MCTP1: variants seen among roughly 807,000 people sequenced by gnomAD.
MCTP1 encodes the protein multiple C2 and transmembrane domain containing 1.
In MCTP1, 69 loss-of-function variants were observed where a neutral mutation model predicts 120.6. The ratio of observed to expected loss-of-function variants is 0.57; its 90% CI spans 0.47 to 0.70. The LOEUF (loss-of-function observed/expected upper bound fraction) is 0.70. MCTP1 is among the 30% of genes least tolerant of loss of function. MCTP1 has a pLI of 0.00. For synonymous variants in MCTP1, 529 were observed against 493.1 expected (o/e 1.07, Z -0.96); for missense variants, 1,203 against 1,248.8 (o/e 0.96, Z 0.55).
At chr5:95,082,086 G>A (rs2152323233) in intron 1 of MCTP1, among the ~76,000 whole-genome samples, 1 of 152,224 alleles carries the variant, frequency 6.6e-6, no homozygotes, top group Non-Finnish European at 1.5e-5. Context: ...CATGCAAGAA[G>A]TGGCATGCTT....
intron 15 of MCTP1, 60 bp from the exon 16 acceptor site, chr5:94,870,551 T>C: frequency 8.2e-7 from 1 of 1,214,892 alleles, no homozygotes; most frequent in Non-Finnish European, 1.2e-6. Context: ...TACAAGTTTT[T>C]CACGCAGTTC....
At position 94,953,851 on chromosome 5, in the gene MCTP1, A is replaced by ATATATATGCATATATATACAAC. The variant is rs1323497729; in HGVS notation, c.839-491_839-490insGTTGTATATATATGCATATATA. On this transcript the variant is annotated intron_variant, in intron 2 of 22. Coordinates refer to ENST00000515393, the MANE Select transcript of MCTP1 (RefSeq NM_024717.7). ...TATACATATATATATATACACAACT[A>ATATATATGCATATATATACAAC]TATATATGCATATATATACAAATAT... Among the ~76,000 whole-genome samples, 18 of 41,842 alleles carry ATATATATGCATATATATACAAC rather than the reference A, an allele frequency of 4.3e-4. 3 individuals are homozygous for ATATATATGCATATATATACAAC. The highest frequency in any genetic ancestry group is 1.9e-3 in the African/African-American group (18 of 9,634). 27.4% of individuals were successfully genotyped at this position (41,842 alleles called of 152,430 possible).
intron 1 of MCTP1, among the ~76,000 whole-genome samples, chr5:95,097,788 T>A (rs781486041): frequency 3.9e-4 from 59 of 152,100 alleles, no homozygotes; most frequent in Non-Finnish European, 7.2e-4. Flanking sequence ...AATAGATAGA[T>A]CAAAGCACGA....
intron 1 of MCTP1, among the ~76,000 whole-genome samples, chr5:95,028,100 T>C (rs1303275481): frequency 6.6e-6 from 1 of 152,188 alleles, no homozygotes; most frequent in Admixed American, 6.5e-5. Context: ...TCATGTTTTT[T>C]AAAATGAATA....
intron 10 of MCTP1, among the ~76,000 whole-genome samples, chr5:94,904,351 T>C (rs1806260027): frequency 6.6e-6 from 1 of 152,170 alleles, no homozygotes; most frequent in African/African-American, 2.4e-5. Context: ...ATCTGCAAAA[T>C]TGGTATAATA....
intron 1 of MCTP1, among the ~76,000 whole-genome samples, chr5:95,072,740 ATT>A (rs11421165): frequency 4.2e-5 from 4 of 95,278 alleles, no homozygotes; most frequent in Admixed American, 1.5e-4. Context: ...CTTAGCAACT[ATT>A]TTTTTTTTTT....
At chr5:95,154,442 G>A (rs529778200) in intron 1 of MCTP1, among the ~76,000 whole-genome samples, 26 of 152,142 alleles carry the variant, frequency 1.7e-4, no homozygotes, top group African/African-American at 6.0e-4. Flanking sequence ...TGAAATAGAG[G>A]AATAGAATGA....
At position 95,045,956 on chromosome 5, in the gene MCTP1, A is replaced by C. The variant is rs567551751; in HGVS notation, c.721-28472T>G. On this transcript the variant is annotated intron_variant, in intron 1 of 22. Coordinates refer to ENST00000515393, the MANE Select transcript of MCTP1 (RefSeq NM_024717.7). ...CATACCTCAGCTTTCCCTTCTGTGA[A>C]ATGGAGATAATAATGGGTCATGCTT... 2.2e-4 allele frequency among the ~76,000 whole-genome samples: 33 copies of C among 152,248 alleles called. 1 individual carries two copies. In the East Asian group the frequency reaches 6.4e-3, roughly 29 times the overall value.
chr5:95,208,728 GA>G (rs35256756), intron 1 of MCTP1, among the ~76,000 whole-genome samples: 24,895 of 126,876 alleles, frequency 0.2, 2,309 homozygotes, highest in Non-Finnish European at 0.24. Flanking sequence ...AACCCTTTCA[GA>G]AAAAAAAAAA....
At chr5:94,957,240 C>A (rs923668434) in intron 2 of MCTP1, among the ~76,000 whole-genome samples, 7 of 152,132 alleles carry the variant, frequency 4.6e-5, no homozygotes, top group Non-Finnish European at 1.0e-4. Flanking sequence ...ACCACCAAGC[C>A]TGCCTTACAA....
chr5:94,710,591 T>C (rs1756554351), intron 21 of MCTP1: 1 of 426,972 alleles, frequency 2.3e-6, no homozygotes, highest in Non-Finnish European at 4.1e-6. Context: ...ACAACTAACA[T>C]GTTTATAGTA....
chr5:94,995,204 C>G (rs1398747239), intron 2 of MCTP1, among the ~76,000 whole-genome samples: 1 of 152,130 alleles, frequency 6.6e-6, no homozygotes, highest in African/African-American at 2.4e-5. Context: ...TCTTTTACAT[C>G]CGTGGTTCTC....
intron 20 of MCTP1, among the ~76,000 whole-genome samples, chr5:94,714,051 A>G (rs1280506964): frequency 6.6e-6 from 1 of 152,196 alleles, no homozygotes; most frequent in Non-Finnish European, 1.5e-5. Context: ...TGAGGGTCTT[A>G]TATCTTTTAA....
At chr5:95,094,013 TTTGAACAAATC>T (rs1464280361) in intron 1 of MCTP1, among the ~76,000 whole-genome samples, 2 of 152,168 alleles carry the variant, frequency 1.3e-5, no homozygotes, top group African/African-American at 4.8e-5. Flanking sequence ...TTTTCAGGTG[TTTGAACAAATC>T]TTGAGCATGG....
intron 1 of MCTP1, among the ~76,000 whole-genome samples, chr5:95,173,344 G>A (rs999223867): frequency 1.6e-4 from 25 of 151,904 alleles, no homozygotes; most frequent in Non-Finnish European, 3.5e-4. Context: ...CAAGTGGAAG[G>A]AATAAATAAT....
intron 11 of MCTP1, among the ~76,000 whole-genome samples, chr5:94,890,805 G>A (rs1030786615): frequency 6.6e-6 from 1 of 152,136 alleles, no homozygotes; most frequent in Non-Finnish European, 1.5e-5. Context: ...TGAACCAACA[G>A]AATGCTAATA....
intron 17 of MCTP1, among the ~76,000 whole-genome samples, chr5:94,824,534 G>A (rs1167238314): frequency 2.0e-5 from 3 of 152,186 alleles, no homozygotes; most frequent in African/African-American, 7.2e-5. Flanking sequence ...TTGGTATCAG[G>A]ATGATGCTGG....
At chr5:95,263,360 T>A (rs139290148) in intron 1 of MCTP1, among the ~76,000 whole-genome samples, 1 of 152,250 alleles carries the variant, frequency 6.6e-6, no homozygotes, top group Non-Finnish European at 1.5e-5. Context: ...GTAGTTAGCA[T>A]CTCATGCCTC....
At position 94,799,034 on chromosome 5, in the gene MCTP1, T is replaced by C; in HGVS notation, c.2535A>G (p.Lys845=). The C allele has an allele frequency of 6.2e-7, 1 of 1,611,900 alleles. No individual in the cohort carries two copies. The highest frequency in any genetic ancestry group is 8.5e-7 in the Non-Finnish European group (1 of 1,178,666). ...TTACTGTATCACGTTGCCTGTTATC[T>C]TTCCCTGATATTATCAAGAAGTAGT... is the stretch of plus-strand genomic sequence containing the variant. ...TWNYFLIISG[K]DNRQRDTVVE... is the part of the protein sequence containing the mutation. The change falls in exon 18 of 23, where the codon AAA becomes AAG. Residue 845 remains lysine, a synonymous_variant. Transcript: ENST00000515393.
Sources: gnomAD v4.1 joint callset for allele counts (sites outside exome capture counted in the v4.1 genomes callset) on GRCh38, gnomAD v4.1.1 for gene constraint, MANE v1.5 for transcripts, NCBI Gene and HGNC (gene_info 2026-07-23, HGNC 2026-07-21) for gene names.